Variants in ATRNL1 observed in about 807,000 individuals in gnomAD.
ATRNL1 encodes the protein attractin-like protein 1.
In ATRNL1, 95 loss-of-function variants were observed where a neutral mutation model predicts 182.7. The observed-to-expected ratio is 0.52, with a 90% confidence interval of 0.44 to 0.62. ATRNL1 has a LOEUF of 0.62. ATRNL1 is among the 20% of genes least tolerant of loss of function. ATRNL1 has a pLI of 0.00. For synonymous variants in ATRNL1, 576 were observed against 568.3 expected (o/e 1.01, Z -0.19); for missense variants, 1,471 against 1,679.5 (o/e 0.88, Z 2.17).
At chr10:115,897,032 A>C (rs1283514476) in intron 28 of ATRNL1, among the ~76,000 whole-genome samples, 1 of 152,208 alleles carries the variant, frequency 6.6e-6, no homozygotes, top group African/African-American at 2.4e-5. Flanking sequence ...TATCACTTAG[A>C]ATAAGTATCC....
intron 27 of ATRNL1, among the ~76,000 whole-genome samples, chr10:115,784,082 A>G (rs1949337304): frequency 6.6e-6 from 1 of 152,198 alleles, no homozygotes; most frequent in Non-Finnish European, 1.5e-5. Context: ...TTTATCTCTT[A>G]TTTGTTTTGT....
At position 115,315,707 on chromosome 10, in the gene ATRNL1, A is replaced by G. The variant is rs1554929433; in HGVS notation, c.3008A>G (p.Asn1003Ser). The G allele has an allele frequency of 6.2e-7, 1 of 1,613,500 alleles. No individual in the cohort carries two copies. Among genetic ancestry groups the G allele is most frequent in the Non-Finnish European group, 8.5e-7 (1 of 1,179,822 alleles). Residue 1003 changes from asparagine (N) to serine (S), a missense_variant, in exon 18 of 29, where the codon AAC (asparagine) becomes AGC (serine). By Grantham distance (46) the Asn-to-Ser change is conservative (BLOSUM62 1). Coordinates refer to ENST00000355044, the MANE Select transcript of ATRNL1 (RefSeq NM_207303.4). The stretch of plus-strand genomic sequence containing the variant: ...ACCAATCTTTGCCCCAAAGAAAAGA[A>G]CTATGAGTGGTCCTTTATCCAGTGT... ...LDTNLCPKEK[N>S]YEWSFIQCPA...
At chr10:115,808,536 A>T (rs1350549307) in intron 27 of ATRNL1, among the ~76,000 whole-genome samples, 1 of 152,136 alleles carries the variant, frequency 6.6e-6, no homozygotes, top group East Asian at 1.9e-4. Flanking sequence ...TCTCTTACGT[A>T]AAAGTCCAGG....
At chr10:115,786,822 G>A (rs1949407599) in intron 27 of ATRNL1, among the ~76,000 whole-genome samples, 1 of 152,062 alleles carries the variant, frequency 6.6e-6, no homozygotes, top group Non-Finnish European at 1.5e-5. Flanking sequence ...CCTACTATCT[G>A]CATTCTATTT....
chr10:115,576,698 G>C (rs1854732564), intron 26 of ATRNL1, among the ~76,000 whole-genome samples: 1 of 151,876 alleles, frequency 6.6e-6, no homozygotes, highest in Non-Finnish European at 1.5e-5. Flanking sequence ...CTTTTCTTTT[G>C]TTGATTGTTT....
chr10:115,615,681 G>T (rs782238250), intron 26 of ATRNL1, among the ~76,000 whole-genome samples: 15 of 152,066 alleles, frequency 9.9e-5, no homozygotes, highest in Non-Finnish European at 2.2e-4. Flanking sequence ...ACGAGATCTT[G>T]TCATTTAAAA....
At chr10:115,452,786 T>A (rs1554967920) in intron 21 of ATRNL1, among the ~76,000 whole-genome samples, 1 of 152,106 alleles carries the variant, frequency 6.6e-6, no homozygotes, top group Admixed American at 6.6e-5. Context: ...TAGTAGATCA[T>A]CAGAGCTTAA....
chr10:115,187,379 A>G (rs568117749), intron 8 of ATRNL1, among the ~76,000 whole-genome samples: 2 of 152,238 alleles, frequency 1.3e-5, no homozygotes, highest in African/African-American at 4.8e-5. Context: ...TATCCATGTT[A>G]TGGGAGACAG....
intron 25 of ATRNL1, among the ~76,000 whole-genome samples, chr10:115,528,303 C>T (rs974578171): frequency 6.6e-6 from 1 of 151,980 alleles, no homozygotes; most frequent in Non-Finnish European, 1.5e-5. Flanking sequence ...AATCTCCTTA[C>T]TGGTTATAAA....
intron 26 of ATRNL1, among the ~76,000 whole-genome samples, chr10:115,562,385 AAT>A (rs1390633827): frequency 3.3e-5 from 5 of 152,140 alleles, no homozygotes; most frequent in African/African-American, 1.2e-4. Flanking sequence ...AATGTTTTAA[AAT>A]TAGACTGTGG....
chr10:115,519,999 C>T (rs1420791978), intron 25 of ATRNL1, among the ~76,000 whole-genome samples: 2 of 152,058 alleles, frequency 1.3e-5, no homozygotes, highest in East Asian at 1.9e-4. Flanking sequence ...GTTATGAGAT[C>T]GTAGATCCTC....
intron 27 of ATRNL1, among the ~76,000 whole-genome samples, chr10:115,806,082 G>A (rs1437056447): frequency 6.6e-6 from 1 of 152,008 alleles, no homozygotes; most frequent in African/African-American, 2.4e-5. Flanking sequence ...GGAATATAGT[G>A]GAATAATGTG....
At chr10:115,374,453 T>TGTCCTTCC (rs1554948974) in intron 19 of ATRNL1, among the ~76,000 whole-genome samples, 6 of 135,798 alleles carry the variant, frequency 4.4e-5, no homozygotes, top group Non-Finnish European at 6.2e-5. Flanking sequence ...CCTTCCTTCC[T>TGTCCTTCC]TTCCTTCCTT....
intron 26 of ATRNL1, among the ~76,000 whole-genome samples, chr10:115,612,926 G>A (rs1555019512): frequency 6.6e-6 from 1 of 152,116 alleles, no homozygotes; most frequent in African/African-American, 2.4e-5. Context: ...CAAAAGCATT[G>A]CTGATCAACC....
At chr10:115,735,292 G>A (rs1947915352) in intron 27 of ATRNL1, among the ~76,000 whole-genome samples, 1 of 152,032 alleles carries the variant, frequency 6.6e-6, no homozygotes, top group Non-Finnish European at 1.5e-5. Context: ...TCTAAGAAAT[G>A]TATTTAAAAT....
At chr10:115,774,257 G>A (rs1382857658) in intron 27 of ATRNL1, among the ~76,000 whole-genome samples, 3 of 151,692 alleles carry the variant, frequency 2.0e-5, no homozygotes, top group East Asian at 3.9e-4. Flanking sequence ...GCGAAACCCC[G>A]TCTCTACTAA....
intron 28 of ATRNL1, among the ~76,000 whole-genome samples, chr10:115,873,165 G>A (rs186088550): frequency 5.9e-5 from 9 of 152,294 alleles, no homozygotes; most frequent in Admixed American, 4.6e-4. Context: ...TTTGCTTCCT[G>A]TGACCTTCAT....
intron 27 of ATRNL1, among the ~76,000 whole-genome samples, chr10:115,829,114 G>A (rs1207206563): frequency 6.6e-6 from 1 of 151,828 alleles, no homozygotes; most frequent in African/African-American, 2.4e-5. Flanking sequence ...AGCCATAAGT[G>A]AAGATTTATA....
intron 26 of ATRNL1, among the ~76,000 whole-genome samples, chr10:115,650,130 C>G (rs570681285): frequency 6.6e-6 from 1 of 152,176 alleles, no homozygotes; most frequent in East Asian, 1.9e-4. Context: ...GCCTTATTAA[C>G]ATGGCCACTG....
Sources: gnomAD v4.1 joint callset for allele counts (sites outside exome capture counted in the v4.1 genomes callset) on GRCh38, gnomAD v4.1.1 for gene constraint, MANE v1.5 for transcripts, NCBI Gene and HGNC (gene_info 2026-07-23, HGNC 2026-07-21) for gene names.